Variants in TTLL3 observed in about 807,000 individuals in gnomAD.
The protein encoded by TTLL3 is tubulin monoglycylase TTLL3.
A neutral mutation model predicts 75.2 loss-of-function variants in TTLL3; 63 were observed. The observed-to-expected ratio is 0.84, with a 90% CI of 0.68 to 1.03. The LOEUF (loss-of-function observed/expected upper bound fraction) is 1.03. Ranked by LOEUF, TTLL3 falls within the 50% of genes least tolerant of loss-of-function variation. The probability of loss-of-function intolerance (pLI) is 0.00; values close to 1 mark genes in which losing one functional copy is unlikely to be tolerated. For synonymous variants in TTLL3, 393 were observed against 418.5 expected (o/e 0.94, Z 0.74); for missense variants, 997 against 1,069.9 (o/e 0.93, Z 0.95).
rs747479295 is a variant in TTLL3, at chr3:9,813,001, G to A, written c.107G>A (p.Arg36Gln). ...CYPVIRCLLR[R>Q]RGWVEKKMVH... Reference sequence around the variant, plus strand: ...CCGGTGATCCGGTGTCTCTTGCGCCGGAGGGGCTGGGTGGAGAAGAAGATG... The same window carrying A: ...CCGGTGATCCGGTGTCTCTTGCGCCAGAGGGGCTGGGTGGAGAAGAAGATG... The change falls in exon 3 of 14, where the codon CGG (arginine) becomes CAG (glutamine). Residue 36 changes from arginine to glutamine, a missense_variant. Coordinates refer to ENST00000685419, the MANE Select transcript of TTLL3 (RefSeq NM_001387446.1). 2.6e-5 allele frequency: 40 copies of A among 1,564,400 alleles called. No homozygotes were observed. The highest frequency in any genetic ancestry group is 1.1e-4 in the East Asian group (5 of 44,346).
intron 11 of TTLL3, among the ~76,000 whole-genome samples, chr3:9,829,718 G>T (rs1468274882): frequency 6.6e-6 from 1 of 152,212 alleles, no homozygotes; most frequent in African/African-American, 2.4e-5. Context: ...GTGACAACAA[G>T]CTATGTGACT....
In TTLL3 at chr3:9,829,356, C is replaced by G; in HGVS notation, c.1644C>G (p.Arg548=). ...LRVVIDRMLD[R]NCDTGAFELI... ...TGGTCATTGACCGGATGCTGGACCGCAACTGTGACACAGGAGCCTTTGAGC... is the reference window on the plus strand; with the variant it reads ...TGGTCATTGACCGGATGCTGGACCGGAACTGTGACACAGGAGCCTTTGAGC... Residue 548 remains arginine, a synonymous_variant, in exon 11 of 14, where the codon CGC becomes CGG. Coordinates refer to ENST00000685419, the MANE Select transcript of TTLL3 (RefSeq NM_001387446.1). 1 of 1,608,208 alleles carries G rather than the reference C, an allele frequency of 6.2e-7. No individual in the cohort carries two copies.
rs181584464 is a variant in TTLL3 at position 9,826,504 on chromosome 3, G to C, written c.1004-493G>C. Reference sequence around the variant, plus strand: ...TCCCAGCAGTCTGGGAGGCCGAGGCGGGTGGATCACTTGAGGTCAGGAGTT... The same window carrying C: ...TCCCAGCAGTCTGGGAGGCCGAGGCCGGTGGATCACTTGAGGTCAGGAGTT... On this transcript the variant is annotated intron_variant, in intron 9 of 13. Transcript: ENST00000685419. Among the ~76,000 whole-genome samples the C allele has an allele frequency of 1.1e-4, 16 of 152,150 alleles. No individual in the cohort carries two copies. The East Asian group carries it at 3.1e-3, about 29-fold the overall frequency.
chr3:9,825,217 C>T (rs985564348), intron 8 of TTLL3, among the ~76,000 whole-genome samples: 14 of 151,904 alleles, frequency 9.2e-5, no homozygotes, highest in Admixed American at 5.2e-4. Context: ...GGTGTGGTGG[C>T]GTATGCCTGT....
chr3:9,833,215 C>T lies in TTLL3; in HGVS notation c.1795C>T (p.Pro599Ser). 6.2e-7 allele frequency: 1 copy of T among 1,614,020 alleles called. No homozygotes were observed. Among genetic ancestry groups the T allele is most frequent in the Non-Finnish European group, 8.5e-7 (1 of 1,179,966 alleles). Residue 599 changes from proline to serine, a missense_variant, in exon 12 of 14, where the codon CCT (proline) becomes TCT (serine). By Grantham distance (74) the Pro-to-Ser change is moderately conservative. Transcript: ENST00000685419. ...GCGGATGGGGGTCCGCCCAGCAGTC[C>T]CTCTGCTGACCCAGCGAGGCTCTGG... The part of the protein sequence containing the change: ...HRRMGVRPAV[P>S]LLTQRGSGEA...
chr3:9,815,773 C>T (rs570079794), intron 4 of TTLL3, among the ~76,000 whole-genome samples: 1 of 152,366 alleles, frequency 6.6e-6, no homozygotes, highest in Non-Finnish European at 1.5e-5. Flanking sequence ...GCTGCCACCG[C>T]CTGGGGGCTG....
chr3:9,832,546 T>G (rs1199470604), intron 11 of TTLL3, among the ~76,000 whole-genome samples: 2 of 152,188 alleles, frequency 1.3e-5, no homozygotes, highest in Non-Finnish European at 2.9e-5. Flanking sequence ...ACATACAGCT[T>G]GGCCTGATAG....
In TTLL3 at chr3:9,818,915, C is replaced by G; in HGVS notation, c.653C>G (p.Ala218Gly). 6.2e-7 allele frequency: 1 copy of G among 1,614,094 alleles called. No individual in the cohort carries two copies. Among genetic ancestry groups the G allele is most frequent in the Non-Finnish European group, 8.5e-7 (1 of 1,180,002 alleles). The part of the protein sequence containing the change: ...SYPIQAVEEE[A>G]SGDKQPKKQE... ...CCTATTCAGGCAGTAGAGGAAGAGG[C>G]CTCAGGTAAGTACTGTGGTTACCTC... The change falls in exon 7 of 14, where the codon GCC (alanine) becomes GGC (glycine). Residue 218 changes from alanine to glycine, a missense_variant. By Grantham distance (60) the Ala-to-Gly change is moderately conservative (BLOSUM62 0). Transcript: ENST00000685419.
At position 9,833,244 on chromosome 3, in the gene TTLL3, A is replaced by C. The variant is rs779918064; in HGVS notation, c.1824A>C (p.Glu608Asp). 6.2e-6 allele frequency: 10 copies of C among 1,613,836 alleles called. No individual in the cohort carries two copies. The highest frequency in any genetic ancestry group is 3.4e-6 in the Non-Finnish European group (4 of 1,179,894). Reference protein sequence around the residue: ...VPLLTQRGSGEARHHFPSLHT... With the variant: ...VPLLTQRGSGDARHHFPSLHT... ...TGCTGACCCAGCGAGGCTCTGGGGA[A>C]GGCAAGGACTCGGGGACCCCTACCC... Residue 608 changes from glutamate (E) to aspartate (D), a missense_variant and splice_region_variant, in exon 12 of 14, where the codon GAA becomes GAC. Physicochemically the swap from Glu to Asp is conservative, Grantham distance 45. Coordinates refer to ENST00000685419, the MANE Select transcript of TTLL3 (RefSeq NM_001387446.1).
In TTLL3 at chr3:9,810,369, G is replaced by A. The variant is rs1247272309; in HGVS notation, c.-67G>A. 3.1e-6 allele frequency: 4 copies of A among 1,284,136 alleles called. No homozygotes were observed. In the Admixed American group the frequency reaches 1.8e-4, roughly 57 times the overall value. The allele number at this position is 1,284,136 out of a possible 1,614,324, so 79.5% of individuals were successfully genotyped here. On this transcript the variant is annotated 5_prime_UTR_variant, in exon 1 of 14. Transcript: ENST00000685419. This position sits in a 1 kb window ranked among gnomAD's most constrained non-coding sequence, Gnocchi z 4.4. ...ACCCCCTCGGCCCCCCGCACACCCC[G>A]GTCCTCGACCCCTCTCCGCAGGATG...
In TTLL3 at chr3:9,834,743, C is replaced by A; in HGVS notation, c.1888C>A (p.His630Asn). Residue 630 changes from histidine to asparagine, a missense_variant, in exon 13 of 14, where the codon CAC (histidine) becomes AAC (asparagine). His to Asn is a moderately conservative substitution (Grantham distance 68). Transcript: ENST00000685419. The stretch of plus-strand genomic sequence containing the variant: ...GCTGCCTTCTCCCCATGTACTCCGA[C>A]ACCAGGGCCAGGTCCTCAGACGACA... ...AQLPSPHVLR[H>N]QGQVLRRQHS... is the part of the protein sequence containing the mutation. 6.2e-7 allele frequency: 1 copy of A among 1,614,252 alleles called. No homozygotes were observed. Among genetic ancestry groups the A allele is most frequent in the South Asian group, 1.1e-5 (1 of 91,088 alleles).
intron 13 of TTLL3, 50 bp from the exon 14 acceptor site, chr3:9,835,044 C>T (rs776426498): frequency 2.5e-6 from 4 of 1,587,774 alleles, no homozygotes; most frequent in Admixed American, 3.5e-5. Context: ...AAGCCCCTTC[C>T]TCCACAGACT....
Position 9,835,458 on chromosome 3 carries a change from C to T in TTLL3, c.2417C>T (p.Pro806Leu), listed in dbSNP as rs755665773. The T allele has an allele frequency of 9.2e-5, 148 of 1,607,820 alleles. No homozygotes were observed. Among genetic ancestry groups the T allele is most frequent in the Middle Eastern group, 4.5e-4 (2 of 4,472 alleles). ...GGGTCAAGAGTGGATGGGGCGAGGC[C>T]GTGTACCCCAGGGTCCACAGCAAGA... ...VGGSRVDGAR[P>L]CTPGSTARA Residue 806 changes from proline (P) to leucine (L), a missense_variant, in exon 14 of 14, where the codon CCG (proline) becomes CTG (leucine). Physicochemically the swap from Pro to Leu is moderately conservative, Grantham distance 98 (BLOSUM62 -3). Coordinates refer to ENST00000685419, the MANE Select transcript of TTLL3 (RefSeq NM_001387446.1).
Position 9,834,948 on chromosome 3 carries a change from G to C in TTLL3, c.2052+41G>C, listed in dbSNP as rs556664114. The C allele has an allele frequency of 1.9e-6, 3 of 1,614,034 alleles. No individual in the cohort carries two copies. In the Admixed American group the frequency reaches 5.0e-5, roughly 27 times the overall value. On this transcript the variant is annotated intron_variant, in intron 13 of 13. Transcript: ENST00000685419. ...TGACTCACACCCAGTGGACAGTGCT[G>C]AGCACGGGGTCAGGGCTGGAGGGCA...
chr3:9,818,854 C>G lies in TTLL3; in HGVS notation c.592C>G (p.Leu198Val). Residue 198 changes from leucine to valine, a missense_variant, in exon 7 of 14, where the codon CTC (leucine) becomes GTC (valine). By Grantham distance (32) the Leu-to-Val change is conservative (BLOSUM62 1). Transcript: ENST00000685419. ...DFWLTAARNV[L>V]KLVVKSEWKS... ...CTGGCTGACTGCTGCCCGCAACGTTCTCAAGCTGGTGGTGAAGTCTGAGTG... is the reference window on the plus strand; with the variant it reads ...CTGGCTGACTGCTGCCCGCAACGTTGTCAAGCTGGTGGTGAAGTCTGAGTG... 1 of 1,614,162 alleles carries G rather than the reference C, an allele frequency of 6.2e-7. No homozygotes were observed. The highest frequency in any genetic ancestry group is 8.5e-7 in the Non-Finnish European group (1 of 1,180,018).
rs760801411 is a variant in TTLL3, at chr3:9,816,186, G to C, written c.428G>C (p.Gly143Ala). 1 of 1,353,678 alleles carries C rather than the reference G, an allele frequency of 7.4e-7. No homozygotes were observed. The highest frequency in any genetic ancestry group is 1.2e-5 in the South Asian group (1 of 84,952). The allele number at this position is 1,353,678 out of a possible 1,614,324, so 83.9% of individuals were successfully genotyped here. The change falls in exon 5 of 14, where the codon GGC becomes GCC. Residue 143 changes from glycine to alanine, a missense_variant. Gly to Ala is a moderately conservative substitution (Grantham distance 60). Transcript: ENST00000685419. The part of the protein sequence containing the change: ...DQMINHYARA[G>A]SFTTKVGLCL... Reference sequence around the variant, plus strand: ...ATGATAAACCACTACGCCCGGGCTGGCTCCTTTACCACAAAGGTGGGCTCC... The same window carrying C: ...ATGATAAACCACTACGCCCGGGCTGCCTCCTTTACCACAAAGGTGGGCTCC...
intron 8 of TTLL3, among the ~76,000 whole-genome samples, chr3:9,823,371 G>A (rs186661662): frequency 3.3e-5 from 5 of 150,148 alleles, no homozygotes; most frequent in Admixed American, 2.7e-4. Context: ...GCAACAGAGC[G>A]AGACTGTCTC....
rs760117521 is a variant in TTLL3 at position 9,817,768 on chromosome 3, A to G, written c.559+9A>G. 51 of 1,613,734 alleles carry G rather than the reference A, an allele frequency of 3.2e-5. No individual in the cohort carries two copies. Among genetic ancestry groups the G allele is most frequent in the Non-Finnish European group, 4.1e-5 (48 of 1,179,968 alleles). On this transcript the variant is annotated intron_variant, in intron 6 of 13. Transcript: ENST00000685419. Reference sequence around the variant, plus strand: ...CAAAAAAGCCTTCATAGGTAAGGAGACCCCCAGCCCTATGCCTGAACCTCA... The same window carrying G: ...CAAAAAAGCCTTCATAGGTAAGGAGGCCCCCAGCCCTATGCCTGAACCTCA...
At chr3:9,809,914 C>G (rs1016574893), upstream of TTLL3, 1 of 524,612 alleles carries the variant, frequency 1.9e-6, no homozygotes, top group Non-Finnish European at 2.3e-6. Context: ...GGACAAGGCT[C>G]GAGCCTAGGC....
Sources: allele counts gnomAD v4.1 joint callset (sites outside exome capture counted in the v4.1 genomes callset), GRCh38; gene constraint gnomAD v4.1.1; non-coding constraint Gnocchi (gnomAD v3.1); transcripts MANE v1.5; gene names NCBI Gene and HGNC (gene_info 2026-07-23, HGNC 2026-07-21).